Variants in PLA2G12B observed in about 807,000 individuals in gnomAD.
The protein encoded by PLA2G12B is group XIIB secretory phospholipase A2-like protein.
PLA2G12B carries 19 observed loss-of-function variants against 22.3 expected under a neutral mutation model. That is an observed-to-expected ratio of 0.85 (90% CI 0.60 to 1.25). PLA2G12B has a LOEUF of 1.25. Ranked by LOEUF, PLA2G12B falls within the 50% of genes most tolerant of loss-of-function variation. The pLI is 0.00. For synonymous variants in PLA2G12B, 81 were observed against 94.9 expected (o/e 0.85, Z 0.85); for missense variants, 191 against 246.6 (o/e 0.77, Z 1.51).
intron 1 of PLA2G12B, among the ~76,000 whole-genome samples, chr10:72,947,244 T>G (rs1285413515): frequency 1.3e-5 from 2 of 151,714 alleles, no homozygotes; most frequent in Non-Finnish European, 2.9e-5. Context: ...TTTCTTATTT[T>G]ATTTTATTTT....
intron 1 of PLA2G12B, among the ~76,000 whole-genome samples, chr10:72,949,906 G>T (rs950721351): frequency 6.6e-5 from 10 of 152,164 alleles, no homozygotes; most frequent in African/African-American, 2.4e-4. Flanking sequence ...GAACCTGGAA[G>T]GCGGAGGTTG....
chr10:72,947,586 C>T (rs1846463431), intron 1 of PLA2G12B, among the ~76,000 whole-genome samples: 1 of 152,162 alleles, frequency 6.6e-6, no homozygotes, highest in Non-Finnish European at 1.5e-5. Flanking sequence ...AAATTAACCA[C>T]CTTAAAGTAT....
Position 72,942,149 on chromosome 10 carries a change from GGTGTGT to G in PLA2G12B, c.300+497_300+502del, listed in dbSNP as rs34740594. ...AAATACAAAAATTAGCAGGGCGTCG[GGTGTGT>G]GTGTGTGTGTGTGTGTGTGTGTGTG... is the stretch of plus-strand genomic sequence containing the variant. On this transcript the variant is annotated intron_variant, in intron 2 of 3. Transcript: ENST00000373032. Among the ~76,000 whole-genome samples the G allele has an allele frequency of 3.2e-3, 429 of 136,026 alleles. 1 individual carries two copies. Among genetic ancestry groups the G allele is most frequent in the African/African-American group, 6.9e-3 (264 of 38,120 alleles). 89.2% of individuals were successfully genotyped at this position (136,026 alleles called of 152,430 possible).
At chr10:72,935,853 C>A in intron 3 of PLA2G12B, 115 bp from the exon 4 acceptor site, 3 of 1,322,406 alleles carry the variant, frequency 2.3e-6, no homozygotes, top group Non-Finnish European at 3.1e-6. Flanking sequence ...ATACAGAATT[C>A]AAAGGAAGAG....
chr10:72,950,475 T>G (rs1040713200), intron 1 of PLA2G12B, among the ~76,000 whole-genome samples: 2 of 152,162 alleles, frequency 1.3e-5, no homozygotes, highest in African/African-American at 4.8e-5. Context: ...TTATTTTTAT[T>G]TATTTATTTA....
intron 1 of PLA2G12B, among the ~76,000 whole-genome samples, chr10:72,947,098 A>G (rs1846454032): frequency 6.6e-6 from 1 of 151,628 alleles, no homozygotes; most frequent in Non-Finnish European, 1.5e-5. Flanking sequence ...TAACTTGTAA[A>G]TTTTTTGATA....
At chr10:72,943,395 C>T (rs1383847534) in intron 1 of PLA2G12B, among the ~76,000 whole-genome samples, 1 of 152,152 alleles carries the variant, frequency 6.6e-6, no homozygotes, top group Admixed American at 6.5e-5. Context: ...ACTCAAAGAA[C>T]AAGCAGAACA....
chr10:72,950,101 T>C (rs138279001), intron 1 of PLA2G12B, among the ~76,000 whole-genome samples: 97 of 152,316 alleles, frequency 6.4e-4, no homozygotes, highest in African/African-American at 2.3e-3. Context: ...GCAATTCTCC[T>C]GTAGAGAAGA....
At chr10:72,940,608 G>T (rs1846344920) in intron 3 of PLA2G12B, among the ~76,000 whole-genome samples, 1 of 152,030 alleles carries the variant, frequency 6.6e-6, no homozygotes, top group Non-Finnish European at 1.5e-5. Context: ...GAAAGCAGAG[G>T]TTGTAGTGAG....
chr10:72,946,915 T>G (rs1846451643), intron 1 of PLA2G12B, among the ~76,000 whole-genome samples: 1 of 152,128 alleles, frequency 6.6e-6, no homozygotes, highest in East Asian at 1.9e-4. Flanking sequence ...TTATTTGTTT[T>G]CATCTTCTTT....
chr10:72,949,660 A>G (rs1368608711), intron 1 of PLA2G12B, among the ~76,000 whole-genome samples: 2 of 152,216 alleles, frequency 1.3e-5, no homozygotes, highest in Admixed American at 1.3e-4. Context: ...AACCCCAACT[A>G]GCTGTCTCAA....
chr10:72,940,533 A>G (rs1191426711), intron 3 of PLA2G12B, among the ~76,000 whole-genome samples: 3 of 120,078 alleles, frequency 2.5e-5, no homozygotes, highest in Non-Finnish European at 4.6e-5. Context: ...TCAGCTGGGC[A>G]TGGCGGCGGG....
At chr10:72,937,830 CTT>C (rs1451205760) in intron 3 of PLA2G12B, among the ~76,000 whole-genome samples, 1 of 152,130 alleles carries the variant, frequency 6.6e-6, no homozygotes, top group Non-Finnish European at 1.5e-5. Context: ...ACATCCAACA[CTT>C]TTTCACGATA....
At chr10:72,951,614 C>T (rs1044643222) in intron 1 of PLA2G12B, among the ~76,000 whole-genome samples, 1 of 152,192 alleles carries the variant, frequency 6.6e-6, no homozygotes, top group Non-Finnish European at 1.5e-5. Flanking sequence ...CCCGCCACTA[C>T]ACCCGGCTAA....
chr10:72,954,563 TC>T lies in PLA2G12B; in HGVS notation c.122del (p.Gly41GlufsTer68). On this transcript the variant is annotated frameshift_variant, in exon 1 of 4. Transcript: ENST00000373032. LOFTEE classifies it high-confidence loss of function. ...AGTAGCTATTGACGGATTCAAAGCT[TC>T]CCCGGAGGTGCCGAAGGCCCCAGTC... is the stretch of plus-strand genomic sequence containing the variant. ...YSDWGLRHLR[G>X]SFESVNSYFD... 1 of 1,614,058 alleles carries T rather than the reference TC, an allele frequency of 6.2e-7. No homozygotes were observed. Among genetic ancestry groups the T allele is most frequent in the Middle Eastern group, 1.6e-4 (1 of 6,062 alleles).
intron 3 of PLA2G12B, among the ~76,000 whole-genome samples, chr10:72,938,927 G>A (rs1237163254): frequency 3.9e-5 from 6 of 152,194 alleles, no homozygotes; most frequent in Non-Finnish European, 8.8e-5. Flanking sequence ...ACTGCATAAC[G>A]ACAGTAACAG....
At chr10:72,938,389 A>G (rs942762026) in intron 3 of PLA2G12B, among the ~76,000 whole-genome samples, 1 of 152,138 alleles carries the variant, frequency 6.6e-6, no homozygotes, top group South Asian at 2.1e-4. Flanking sequence ...TCCAAATTGG[A>G]AAGGAAGATG....
chr10:72,948,249 T>C (rs1846474103), intron 1 of PLA2G12B, among the ~76,000 whole-genome samples: 2 of 152,204 alleles, frequency 1.3e-5, no homozygotes, highest in African/African-American at 4.8e-5. Context: ...TTTCTTGGGT[T>C]ACCCTCTGCC....
chr10:72,940,387 T>C (rs1846340717), intron 3 of PLA2G12B, among the ~76,000 whole-genome samples: 1 of 152,168 alleles, frequency 6.6e-6, no homozygotes, highest in Admixed American at 6.5e-5. Flanking sequence ...GAGTCGGTGC[T>C]AGAATCTAGG....
Sources: gnomAD v4.1 joint callset for allele counts (sites outside exome capture counted in the v4.1 genomes callset) on GRCh38, gnomAD v4.1.1 for gene constraint, MANE v1.5 for transcripts, NCBI Gene and HGNC (gene_info 2026-07-23, HGNC 2026-07-21) for gene names.